The following PDK1 variants were observed in gnomAD, a reference collection of about 807,000 sequenced individuals.
PDK1 encodes pyruvate dehydrogenase kinase 1.
In PDK1, 39 loss-of-function variants were observed where a neutral mutation model predicts 54.2. The observed-to-expected ratio is 0.72, with a 90% CI of 0.56 to 0.94. PDK1 has a LOEUF of 0.94. Ranked by LOEUF, PDK1 falls within the 40% of genes least tolerant of loss-of-function variation. The pLI is 0.00. For synonymous variants in PDK1, 221 were observed against 207.1 expected (o/e 1.07, Z -0.58); for missense variants, 552 against 566.0 (o/e 0.98, Z 0.25).
At chr2:172,663,332 C>T in the PDK1 span, among the ~76,000 whole-genome samples, 2 of 152,174 alleles carry the variant, frequency 1.3e-5, no homozygotes, top group African/African-American at 4.8e-5. Context: ...GATTCCTTTT[C>T]CAAATACAGT....
chr2:172,555,881 G>C (rs114945843), upstream of PDK1: 18,326 of 317,810 alleles, frequency 0.058, 688 homozygotes, highest in Middle Eastern at 0.1. Flanking sequence ...GGCCTGGCGC[G>C]CGCTCCGCAT....
At chr2:172,618,782 A>G in the PDK1 span, among the ~76,000 whole-genome samples, 2 of 152,174 alleles carry the variant, frequency 1.3e-5, no homozygotes, top group African/African-American at 4.8e-5. Flanking sequence ...AAGCTTTCCT[A>G]CAGTGTGGCT....
the PDK1 span, among the ~76,000 whole-genome samples, chr2:172,669,252 G>T: frequency 1.9e-3 from 286 of 151,606 alleles, no homozygotes; most frequent in Non-Finnish European, 3.5e-3. Flanking sequence ...GTAGAGACGG[G>T]GTTTCACCGT....
Position 172,564,999 on chromosome 2 carries a change from G to C in PDK1, c.617G>C (p.Gly206Ala). ...ATAGCTTTATTGTTTGGTGGAAAAGGCAAAGGAAGTCCATCTCATCGAAAA... is the reference window on the plus strand; with the variant it reads ...ATAGCTTTATTGTTTGGTGGAAAAGCCAAAGGAAGTCCATCTCATCGAAAA... ...NQHSLLFGGK[G>A]KGSPSHRKHI... Residue 206 changes from glycine to alanine, a missense_variant, in exon 5 of 11, where the codon GGC becomes GCC. Gly to Ala is a moderately conservative substitution (Grantham distance 60). Transcript: ENST00000282077. The C allele has an allele frequency of 6.2e-7, 1 of 1,612,548 alleles. No homozygotes were observed. The highest frequency in any genetic ancestry group is 8.5e-7 in the Non-Finnish European group (1 of 1,178,708).
chr2:172,587,583 C>T (rs986387978), intron 9 of PDK1, among the ~76,000 whole-genome samples: 11 of 152,108 alleles, frequency 7.2e-5, no homozygotes, highest in Non-Finnish European at 1.0e-4. Flanking sequence ...GAGTGAGCAG[C>T]AGCAAGATTT....
rs374256463 is a variant in PDK1 at position 172,566,926 on chromosome 2, A to G, written c.762A>G (p.Glu254=). 6.3e-7 allele frequency: 1 copy of G among 1,599,344 alleles called. No individual in the cohort carries two copies. Among genetic ancestry groups the G allele is most frequent in the Non-Finnish European group, 8.6e-7 (1 of 1,167,242 alleles). Residue 254 remains glutamate, a synonymous_variant, in exon 6 of 11, where the codon GAA becomes GAG. Transcript: ENST00000282077. Reference sequence around the variant, plus strand: ...ACTCTCCCGAACTAGAACTTGAAGAACTAAATGGTAAGCCTGATGTTGTCT... The same window carrying G: ...ACTCTCCCGAACTAGAACTTGAAGAGCTAAATGGTAAGCCTGATGTTGTCT... ...YINSPELELE[E]LNAKSPGQPI... is the part of the protein sequence containing the mutation.
rs1406261735 is a variant in PDK1 at position 172,597,717 on chromosome 2, G to A, written c.*1748G>A. The A allele has an allele frequency of 6.6e-6, 1 of 152,142 alleles. No individual in the cohort carries two copies. The highest frequency in any genetic ancestry group is 1.9e-4 in the East Asian group (1 of 5,184). The allele number at this position is 152,142 out of a possible 1,614,324, so 9.4% of individuals were successfully genotyped here. On this transcript the variant is annotated 3_prime_UTR_variant, in exon 11 of 11. Transcript: ENST00000282077. Reference sequence around the variant, plus strand: ...GACTGTGTCATTTAGAGACTGTGTTGTTAGTTATCCCTCAACATCTTCTAA... The same window carrying A: ...GACTGTGTCATTTAGAGACTGTGTTATTAGTTATCCCTCAACATCTTCTAA...
chr2:172,704,063 C>T, the PDK1 span, among the ~76,000 whole-genome samples: 2 of 152,036 alleles, frequency 1.3e-5, no homozygotes, highest in African/African-American at 4.8e-5. Context: ...TGTGAGCCAC[C>T]GTGCCCGGCC....
the PDK1 span, among the ~76,000 whole-genome samples, chr2:172,699,128 T>A: frequency 0.19 from 28,771 of 152,216 alleles, 3,309 homozygotes; most frequent in African/African-American, 0.32. Context: ...AAAGAATTAT[T>A]ATAGCCATAA....
the PDK1 span, among the ~76,000 whole-genome samples, chr2:172,618,636 A>G: frequency 1.8e-4 from 28 of 152,348 alleles, 1 homozygote; most frequent in African/African-American, 4.8e-4. Context: ...TCGTCAAGCT[A>G]TTGTCTCAGG....
At position 172,565,023 on chromosome 2, in the gene PDK1, A is replaced by T. The variant is rs766998131; in HGVS notation, c.641A>T (p.Lys214Ile). 1.2e-6 allele frequency: 2 copies of T among 1,612,870 alleles called. No individual in the cohort carries two copies. Among genetic ancestry groups the T allele is most frequent in the Non-Finnish European group, 1.7e-6 (2 of 1,178,960 alleles). Residue 214 changes from lysine to isoleucine, a missense_variant, in exon 5 of 11, where the codon AAA (lysine) becomes ATA (isoleucine). Coordinates refer to ENST00000282077, the MANE Select transcript of PDK1 (RefSeq NM_002610.5). ...GGCAAAGGAAGTCCATCTCATCGAA[A>T]ACACATTGGAAGCATAAATCCAAAC... ...GKGKGSPSHRKHIGSINPNCN... is the reference protein window; with the variant it reads ...GKGKGSPSHRIHIGSINPNCN...
chr2:172,700,097 C>T, the PDK1 span, among the ~76,000 whole-genome samples: 11 of 152,298 alleles, frequency 7.2e-5, no homozygotes, highest in African/African-American at 2.6e-4. Flanking sequence ...TTAACAGCAT[C>T]CCAAGGCAGA....
At chr2:172,565,298 TTTTTGTTTTG>T (rs765465126) in intron 5 of PDK1, among the ~76,000 whole-genome samples, 1 of 152,078 alleles carries the variant, frequency 6.6e-6, no homozygotes, top group Non-Finnish European at 1.5e-5. Flanking sequence ...GAGGATATCT[TTTTTGTTTTG>T]TTTTGTTTTG....
At chr2:172,582,438 G>A (rs1689964021) in intron 8 of PDK1, among the ~76,000 whole-genome samples, 1 of 152,186 alleles carries the variant, frequency 6.6e-6, no homozygotes, top group African/African-American at 2.4e-5. Flanking sequence ...CTGGGAATAG[G>A]AAGTTAGGGA....
chr2:172,568,285 G>T (rs1307037325), intron 6 of PDK1, among the ~76,000 whole-genome samples: 2 of 129,826 alleles, frequency 1.5e-5, no homozygotes, highest in African/African-American at 6.3e-5. Context: ...CCAAGATCGC[G>T]CCACTGCACT....
chr2:172,621,735 T>C, the PDK1 span, among the ~76,000 whole-genome samples: 10 of 146,698 alleles, frequency 6.8e-5, no homozygotes, highest in South Asian at 2.1e-3. Context: ...TTATATCTCA[T>C]ATATGTCATA....
chr2:172,627,027 G>A, the PDK1 span, among the ~76,000 whole-genome samples: 1 of 152,172 alleles, frequency 6.6e-6, no homozygotes, highest in East Asian at 1.9e-4. Context: ...GAGAAAAAAA[G>A]AGGGGAGAGA....
chr2:172,587,306 G>A (rs1193796888), intron 9 of PDK1, among the ~76,000 whole-genome samples: 1 of 152,204 alleles, frequency 6.6e-6, no homozygotes, highest in African/African-American at 2.4e-5. Flanking sequence ...CTGGCTTCAG[G>A]AGTGAAGCTG....
At chr2:172,556,083 A>C (rs1688298848), upstream of PDK1, 1 of 1,203,432 alleles carries the variant, frequency 8.3e-7, no homozygotes, top group African/African-American at 1.6e-5. Flanking sequence ...CACGTCCCTC[A>C]CGTACCACTC....
Sources: allele counts gnomAD v4.1 joint callset (sites outside exome capture counted in the v4.1 genomes callset), GRCh38; gene constraint gnomAD v4.1.1; transcripts MANE v1.5; gene names NCBI Gene and HGNC (gene_info 2026-07-23, HGNC 2026-07-21).